The following ABCB1 variants were observed in gnomAD, a reference collection of about 807,000 sequenced individuals.
ABCB1 encodes ATP binding cassette subfamily B member 1.
A neutral mutation model predicts 142.0 loss-of-function variants in ABCB1; 69 were observed. The ratio of observed to expected loss-of-function variants is 0.49; its 90% CI spans 0.40 to 0.59. ABCB1 has a LOEUF of 0.59. ABCB1 is among the 20% of genes least tolerant of loss of function. The pLI is 0.00. For synonymous variants in ABCB1, 532 were observed against 539.2 expected, an observed-to-expected ratio of 0.99 and a Z score of 0.18; for missense variants, 1,326 against 1,554.7, an observed-to-expected ratio of 0.85 and a Z score of 2.47.
At chr7:87,599,072 T>TA (rs1308387278) in intron 2 of ABCB1, among the ~76,000 whole-genome samples, 1 of 152,208 alleles carries the variant, frequency 6.6e-6, no homozygotes, top group Non-Finnish European at 1.5e-5. Context: ...ACATTATTTT[T>TA]AAAAATGTAT....
chr7:87,617,279 A>G (rs28381780), intron 1 of ABCB1, among the ~76,000 whole-genome samples: 4,714 of 152,316 alleles, frequency 0.031, 73 homozygotes, highest in Middle Eastern at 0.048. Flanking sequence ...AAAAATTCTT[A>G]TCTGTTCTCC....
chr7:87,553,463 G>C (rs2235027), intron 9 of ABCB1, among the ~76,000 whole-genome samples: 1 of 151,312 alleles, frequency 6.6e-6, no homozygotes, highest in Non-Finnish European at 1.5e-5. Context: ...TGGGACTACA[G>C]GCGCCCGCCA....
At chr7:87,664,859 A>T (rs998366198) in intron 1 of ABCB1, among the ~76,000 whole-genome samples, 14 of 152,210 alleles carry the variant, frequency 9.2e-5, no homozygotes, top group African/African-American at 3.1e-4. Context: ...AGATAAATTT[A>T]TAGATTCAAG....
At chr7:87,710,045 T>G (rs1346703280) in intron 1 of ABCB1, among the ~76,000 whole-genome samples, 3 of 152,164 alleles carry the variant, frequency 2.0e-5, no homozygotes, top group Non-Finnish European at 2.9e-5. Context: ...CCAAATTCAA[T>G]AGCTCATGAT....
chr7:87,597,548 T>C (rs762684719), intron 2 of ABCB1, among the ~76,000 whole-genome samples: 2 of 152,118 alleles, frequency 1.3e-5, no homozygotes, highest in Non-Finnish European at 2.9e-5. Context: ...TACAATTTTC[T>C]TTACTGTTTC....
intron 25 of ABCB1, among the ~76,000 whole-genome samples, chr7:87,510,174 C>T (rs1024179840): frequency 2.6e-5 from 4 of 152,218 alleles, no homozygotes; most frequent in Admixed American, 6.5e-5. Flanking sequence ...ACTAATACAA[C>T]GCCTAATACT....
At chr7:87,589,868 G>A (rs1047108106) in intron 3 of ABCB1, among the ~76,000 whole-genome samples, 4 of 151,210 alleles carry the variant, frequency 2.6e-5, no homozygotes, top group African/African-American at 7.3e-5. Context: ...GAGAGAGAGA[G>A]AGAAAGAAAG....
At chr7:87,620,249 C>G (rs1324687516) in intron 1 of ABCB1, among the ~76,000 whole-genome samples, 1 of 152,166 alleles carries the variant, frequency 6.6e-6, no homozygotes. Flanking sequence ...CAACCTCCAC[C>G]TTGCGGGTTC....
chr7:87,572,542 T>G (rs1343908019), intron 4 of ABCB1, among the ~76,000 whole-genome samples: 3 of 152,078 alleles, frequency 2.0e-5, no homozygotes, highest in Non-Finnish European at 2.9e-5. Context: ...AGTGTACCAG[T>G]CAAAATAAAA....
intron 1 of ABCB1, among the ~76,000 whole-genome samples, chr7:87,684,514 C>T (rs1013155224): frequency 6.6e-5 from 10 of 151,712 alleles, no homozygotes; most frequent in Non-Finnish European, 1.3e-4. Flanking sequence ...TTTGGGAGGC[C>T]GAGGCAGGCG....
chr7:87,520,729 A>G, intron 22 of ABCB1, 47 bp downstream of exon 22: 1 of 1,521,206 alleles, frequency 6.6e-7, no homozygotes, highest in Non-Finnish European at 9.1e-7. Flanking sequence ...AAATATGATG[A>G]TTGAAAAATT....
chr7:87,616,969 C>G (rs1470182809), intron 1 of ABCB1, among the ~76,000 whole-genome samples: 1 of 152,044 alleles, frequency 6.6e-6, no homozygotes, highest in Non-Finnish European at 1.5e-5. Flanking sequence ...ATTGGTGAGG[C>G]CTAGTAGGGA....
At chr7:87,583,829 A>G (rs546826921) in intron 4 of ABCB1, among the ~76,000 whole-genome samples, 32 of 152,334 alleles carry the variant, frequency 2.1e-4, no homozygotes, top group African/African-American at 7.7e-4. Flanking sequence ...AAGTCATTAA[A>G]AAGTGAGCAA....
intron 1 of ABCB1, chr7:87,700,346 T>G (rs1828917929): frequency 7.9e-7 from 1 of 1,271,718 alleles, no homozygotes; most frequent in Middle Eastern, 1.9e-4. Flanking sequence ...TTTTCAGAAT[T>G]TTATTGTTCT....
chr7:87,503,017 G>A lies in ABCB1; in HGVS notation c.*1226C>T, dbSNP rs1814558408. ...ATCAATGACCAATTCAACTAATAAG[G>A]AATGTCACATTAGATTTTTTTATTC... On this transcript the variant is annotated 3_prime_UTR_variant, in exon 28 of 28. Coordinates refer to ENST00000622132, the MANE Select transcript of ABCB1 (RefSeq NM_001348946.2). 6.6e-6 allele frequency among the ~76,000 whole-genome samples: 1 copy of A among 151,786 alleles called. No individual in the cohort carries two copies. Among genetic ancestry groups the A allele is most frequent in the African/African-American group, 2.4e-5 (1 of 41,380 alleles).
chr7:87,539,410 A>G lies in ABCB1; in HGVS notation c.2320-65T>C, dbSNP rs61481289. On this transcript the variant is annotated intron_variant, in intron 18 of 27. Transcript: ENST00000622132. ...ATTTAAATAAAAGGAGGGAGAATTG[A>G]TGTCTTTGCTAAAGCAGGAGATCAG... The G allele has an allele frequency of 4.7e-4, 708 of 1,491,142 alleles. 2 individuals are homozygous for G. In the African/African-American group the frequency reaches 9.1e-3, roughly 19 times the overall value. The allele number at this position is 1,491,142 out of a possible 1,614,324, so 92.4% of individuals were successfully genotyped here. A position where few individuals can be genotyped will look rare whatever the true frequency, so the allele number is the denominator to read the frequency against.
intron 1 of ABCB1, among the ~76,000 whole-genome samples, chr7:87,619,537 T>G (rs950180104): frequency 3.7e-5 from 5 of 133,560 alleles, no homozygotes; most frequent in Non-Finnish European, 6.3e-5. Flanking sequence ...AAACTCCATC[T>G]CAAAAAAAAA....
At chr7:87,535,710 C>A (rs1173907689) in intron 20 of ABCB1, among the ~76,000 whole-genome samples, 1 of 151,980 alleles carries the variant, frequency 6.6e-6, no homozygotes, top group South Asian at 2.1e-4. Flanking sequence ...AAAGAAGCCC[C>A]ATATATTAGA....
intron 1 of ABCB1, among the ~76,000 whole-genome samples, chr7:87,677,343 A>C (rs1464540604): frequency 6.6e-6 from 1 of 151,864 alleles, no homozygotes; most frequent in Non-Finnish European, 1.5e-5. Flanking sequence ...TTTAAAAAAA[A>C]AAAAAAAGGA....
Sources: allele counts gnomAD v4.1 joint callset (sites outside exome capture counted in the v4.1 genomes callset), GRCh38; gene constraint gnomAD v4.1.1; transcripts MANE v1.5; gene names NCBI Gene and HGNC (gene_info 2026-07-23, HGNC 2026-07-21).